RPS6KC1: variants seen among roughly 807,000 people sequenced by gnomAD.
RPS6KC1 encodes inactive ribosomal protein S6 kinase delta-1.
RPS6KC1 carries 54 observed loss-of-function variants against 103.8 expected under a neutral mutation model. The ratio of observed to expected loss-of-function variants is 0.52; its 90% CI spans 0.42 to 0.65. The LOEUF is 0.65. Ranked by LOEUF, RPS6KC1 falls within the 30% of genes least tolerant of loss-of-function variation. The probability of loss-of-function intolerance (pLI) is 0.00; values close to 1 mark genes in which losing one functional copy is unlikely to be tolerated. For synonymous variants in RPS6KC1, 439 were observed against 438.7 expected (o/e 1.00, Z -0.01); for missense variants, 1,151 against 1,253.8 (o/e 0.92, Z 1.24).
the RPS6KC1 span, among the ~76,000 whole-genome samples, chr1:213,777,825 A>G: frequency 6.6e-6 from 1 of 152,246 alleles, no homozygotes; most frequent in Non-Finnish European, 1.5e-5. Flanking sequence ...CTAAAAGCCA[A>G]TATAAATAAT....
the RPS6KC1 span, among the ~76,000 whole-genome samples, chr1:213,809,339 A>G: frequency 1.3e-5 from 2 of 152,186 alleles, no homozygotes; most frequent in African/African-American, 4.8e-5. Flanking sequence ...TTACTATAGT[A>G]ACATCGAAGA....
chr1:213,557,172 C>T, the RPS6KC1 span, among the ~76,000 whole-genome samples: 1 of 152,162 alleles, frequency 6.6e-6, no homozygotes, highest in Non-Finnish European at 1.5e-5. Context: ...CTGTGCTTCT[C>T]TATGCAAGGT....
the RPS6KC1 span, among the ~76,000 whole-genome samples, chr1:213,839,064 G>C: frequency 8.5e-5 from 13 of 152,188 alleles, no homozygotes; most frequent in Non-Finnish European, 7.4e-5. Context: ...TTCTTTCCAC[G>C]TGGCCTGAGT....
the RPS6KC1 span, among the ~76,000 whole-genome samples, chr1:213,557,985 A>G: frequency 6.6e-6 from 1 of 152,322 alleles, no homozygotes; most frequent in African/African-American, 2.4e-5. Flanking sequence ...AAAGAGAAGG[A>G]AAACTTTCTA....
the RPS6KC1 span, among the ~76,000 whole-genome samples, chr1:213,638,875 C>G: frequency 6.6e-6 from 1 of 152,006 alleles, no homozygotes; most frequent in South Asian, 2.1e-4. Flanking sequence ...ATCTGCCTAC[C>G]AATTTCTGCA....
At chr1:213,159,164 A>G (rs1483270576) in intron 6 of RPS6KC1, among the ~76,000 whole-genome samples, 1 of 152,180 alleles carries the variant, frequency 6.6e-6, no homozygotes, top group Non-Finnish European at 1.5e-5. Context: ...GGCTTAGTAT[A>G]CTATAGCCTA....
chr1:213,183,426 G>T (rs1040025664), intron 8 of RPS6KC1, among the ~76,000 whole-genome samples: 19 of 152,202 alleles, frequency 1.2e-4, no homozygotes, highest in African/African-American at 4.3e-4. Context: ...AAATTTGGAA[G>T]TATTGAAATC....
At chr1:213,638,483 A>G in the RPS6KC1 span, among the ~76,000 whole-genome samples, 33 of 152,202 alleles carry the variant, frequency 2.2e-4, no homozygotes, top group East Asian at 5.8e-3. Context: ...AAAGTTATAC[A>G]TTTTAAATTT....
At chr1:213,154,698 C>T (rs2147991346) in intron 6 of RPS6KC1, among the ~76,000 whole-genome samples, 1 of 152,342 alleles carries the variant, frequency 6.6e-6, no homozygotes. Context: ...GTTCAATAGT[C>T]AAGGCCTGAA....
chr1:213,176,776 G>C (rs2091902683), intron 8 of RPS6KC1: 1 of 209,070 alleles, frequency 4.8e-6, no homozygotes, highest in Admixed American at 5.3e-5. Flanking sequence ...GAGTAAAGAT[G>C]TATTGTGTTA....
chr1:213,157,910 A>G (rs1470990660), intron 6 of RPS6KC1, among the ~76,000 whole-genome samples: 1 of 152,160 alleles, frequency 6.6e-6, no homozygotes, highest in African/African-American at 2.4e-5. Flanking sequence ...TTTTAATGTT[A>G]TAAAATGTCT....
At chr1:213,386,711 C>T in the RPS6KC1 span, among the ~76,000 whole-genome samples, 1 of 152,176 alleles carries the variant, frequency 6.6e-6, no homozygotes, top group African/African-American at 2.4e-5. Flanking sequence ...AACTCCCTTA[C>T]GTCTCCTCTA....
the RPS6KC1 span, among the ~76,000 whole-genome samples, chr1:213,800,923 A>T: frequency 6.6e-6 from 1 of 152,170 alleles, no homozygotes; most frequent in South Asian, 2.1e-4. Flanking sequence ...TTGAACAGAC[A>T]TGGTGGTTTC....
At chr1:213,350,889 C>T in the RPS6KC1 span, among the ~76,000 whole-genome samples, 55 of 151,986 alleles carry the variant, frequency 3.6e-4, no homozygotes, top group South Asian at 1.0e-3. Context: ...TATTCACACA[C>T]GTATATAAAA....
chr1:213,540,006 C>T, the RPS6KC1 span, among the ~76,000 whole-genome samples: 1 of 152,314 alleles, frequency 6.6e-6, no homozygotes, highest in East Asian at 1.9e-4. Context: ...ATGATCTGAG[C>T]CTTCAGTGAG....
At chr1:213,795,226 G>A in the RPS6KC1 span, among the ~76,000 whole-genome samples, 60 of 152,284 alleles carry the variant, frequency 3.9e-4, no homozygotes, top group Middle Eastern at 6.8e-3. Context: ...ATTCAAAGCT[G>A]TAAGAGTTTA....
the RPS6KC1 span, among the ~76,000 whole-genome samples, chr1:213,790,975 C>A: frequency 1.0e-5 from 1 of 95,662 alleles, no homozygotes; most frequent in African/African-American, 9.6e-5. Flanking sequence ...CATCATCTGT[C>A]TAATTTAACA....
At chr1:213,658,676 A>C in the RPS6KC1 span, among the ~76,000 whole-genome samples, 1 of 152,200 alleles carries the variant, frequency 6.6e-6, no homozygotes, top group Admixed American at 6.5e-5. Context: ...AAAATAAATC[A>C]AACGTTATTC....
chr1:213,667,837 A>G, the RPS6KC1 span, among the ~76,000 whole-genome samples: 1 of 152,220 alleles, frequency 6.6e-6, no homozygotes, highest in Non-Finnish European at 1.5e-5. Context: ...TGTTCATAGC[A>G]TCTTCACCAA....
Sources: allele counts gnomAD v4.1 joint callset (sites outside exome capture counted in the v4.1 genomes callset), GRCh38; gene constraint gnomAD v4.1.1; transcripts MANE v1.5; gene names NCBI Gene and HGNC (gene_info 2026-07-23, HGNC 2026-07-21).